Variants in GRIN2B observed in about 807,000 individuals in gnomAD.
The protein encoded by GRIN2B is glutamate ionotropic receptor NMDA type subunit 2B.
GRIN2B carries 5 observed loss-of-function variants against 114.5 expected under a neutral mutation model. The observed-to-expected ratio is 0.04, with a 90% CI of 0.02 to 0.09. GRIN2B has a LOEUF of 0.09. GRIN2B is among the 10% of genes least tolerant of loss of function. GRIN2B has a pLI of 1.00. For synonymous variants in GRIN2B, 787 were observed against 745.1 expected, an observed-to-expected ratio of 1.06 and a Z score of -0.92; for missense variants, 1,108 against 1,943.5, an observed-to-expected ratio of 0.57 and a Z score of 8.08.
intron 2 of GRIN2B, among the ~76,000 whole-genome samples, chr12:13,977,990 T>C (rs1863057333): frequency 6.6e-6 from 1 of 152,138 alleles, no homozygotes; most frequent in African/African-American, 2.4e-5. Flanking sequence ...CTTCATCCAT[T>C]GGCATTCAAG....
chr12:13,743,763 CAAG>C (rs1464332902), intron 4 of GRIN2B, among the ~76,000 whole-genome samples: 5 of 152,016 alleles, frequency 3.3e-5, no homozygotes, highest in African/African-American at 7.2e-5. Flanking sequence ...AGACGATATA[CAAG>C]AAGATTATCT....
chr12:13,882,833 A>T lies in GRIN2B; in HGVS notation c.-18-16607T>A, dbSNP rs1739798371. Among the ~76,000 whole-genome samples the T allele has an allele frequency of 3.9e-5, 6 of 152,208 alleles. No individual in the cohort carries two copies. In the South Asian group the frequency reaches 1.2e-3, roughly 31 times the overall value. Reference sequence around the variant, plus strand: ...TTTACAGTTCTATAGGTTTTTGACAAATATATACAGTATATAACCACCACC... The same window carrying T: ...TTTACAGTTCTATAGGTTTTTGACATATATATACAGTATATAACCACCACC... On this transcript the variant is annotated intron_variant, in intron 2 of 13. Coordinates refer to ENST00000609686, the MANE Select transcript of GRIN2B (RefSeq NM_000834.5).
chr12:13,818,046 T>C (rs1248672888), intron 3 of GRIN2B, among the ~76,000 whole-genome samples: 1 of 152,228 alleles, frequency 6.6e-6, no homozygotes, highest in African/African-American at 2.4e-5. Flanking sequence ...CAAGAAATCA[T>C]AAATGGAGTA....
chr12:13,736,786 A>G (rs7138298), intron 4 of GRIN2B, among the ~76,000 whole-genome samples: 123,498 of 151,906 alleles, frequency 0.81, 50,527 homozygotes, highest in African/African-American at 0.89. Context: ...TTGGGAGGCC[A>G]AGGCGGGTGG....
At chr12:13,666,749 G>T (rs915300633) in intron 5 of GRIN2B, among the ~76,000 whole-genome samples, 1 of 152,066 alleles carries the variant, frequency 6.6e-6, no homozygotes, top group Non-Finnish European at 1.5e-5. Context: ...CCTGTGCATG[G>T]CTGGTACAAA....
At chr12:13,578,379 C>G (rs1054563726) in intron 10 of GRIN2B, among the ~76,000 whole-genome samples, 13 of 152,184 alleles carry the variant, frequency 8.5e-5, no homozygotes, top group African/African-American at 3.1e-4. Flanking sequence ...AAACCTCGCT[C>G]TGAGAGAATC....
At chr12:13,740,918 T>A (rs190039698) in intron 4 of GRIN2B, among the ~76,000 whole-genome samples, 7 of 152,294 alleles carry the variant, frequency 4.6e-5, no homozygotes, top group Non-Finnish European at 8.8e-5. Flanking sequence ...ATGAGCAGGT[T>A]CAGTGTGGGA....
chr12:13,855,048 T>C (rs1292374890), intron 3 of GRIN2B, among the ~76,000 whole-genome samples: 69 of 35,104 alleles, frequency 2.0e-3, no homozygotes, highest in Non-Finnish European at 3.1e-3. Context: ...CCATCTCTAC[T>C]GAAAAAAAAA....
chr12:13,594,298 G>T (rs1949045130), intron 10 of GRIN2B, among the ~76,000 whole-genome samples: 1 of 152,120 alleles, frequency 6.6e-6, no homozygotes, highest in Non-Finnish European at 1.5e-5. Flanking sequence ...TGATAGACTG[G>T]ATTAAGAACA....
intron 4 of GRIN2B, among the ~76,000 whole-genome samples, chr12:13,694,687 AT>A (rs1950245026): frequency 7.6e-6 from 1 of 132,222 alleles, no homozygotes; most frequent in Non-Finnish European, 1.6e-5. Flanking sequence ...ATATATATAT[AT>A]ATATATATAT....
intron 3 of GRIN2B, among the ~76,000 whole-genome samples, chr12:13,798,830 C>T (rs777514327): frequency 1.3e-5 from 2 of 152,228 alleles, no homozygotes; most frequent in African/African-American, 4.8e-5. Flanking sequence ...GTCCTCATGA[C>T]GATCTCTGTT....
intron 3 of GRIN2B, among the ~76,000 whole-genome samples, chr12:13,859,173 T>C (rs1865712418): frequency 6.6e-6 from 1 of 152,156 alleles, no homozygotes; most frequent in Admixed American, 6.5e-5. Flanking sequence ...CCAACTAAGG[T>C]CACATGGCTG....
At chr12:13,637,156 A>G (rs1949673459) in intron 5 of GRIN2B, among the ~76,000 whole-genome samples, 1 of 152,186 alleles carries the variant, frequency 6.6e-6, no homozygotes, top group South Asian at 2.1e-4. Flanking sequence ...AAGTTGAAAG[A>G]CTGGATTTTA....
At chr12:13,650,387 G>A (rs1949802178) in intron 5 of GRIN2B, among the ~76,000 whole-genome samples, 1 of 151,878 alleles carries the variant, frequency 6.6e-6, no homozygotes, top group African/African-American at 2.4e-5. Context: ...CAGGAAGTCT[G>A]CCCTGTCCCC....
At chr12:13,665,162 TG>T (rs1207707927) in intron 5 of GRIN2B, among the ~76,000 whole-genome samples, 16 of 23,462 alleles carry the variant, frequency 6.8e-4, no homozygotes, top group Admixed American at 2.4e-3. Context: ...TGTGTGTGTG[TG>T]TGTTTGTGTG....
At chr12:13,824,203 G>A (rs1864989671) in intron 3 of GRIN2B, among the ~76,000 whole-genome samples, 1 of 152,142 alleles carries the variant, frequency 6.6e-6, no homozygotes, top group African/African-American at 2.4e-5. Flanking sequence ...AATTGGTATT[G>A]TTCTTTCTTT....
chr12:13,572,694 G>C (rs1405991981), intron 10 of GRIN2B, among the ~76,000 whole-genome samples: 2 of 152,140 alleles, frequency 1.3e-5, no homozygotes, highest in Non-Finnish European at 2.9e-5. Context: ...CAATGCGTAA[G>C]TCTTTATGTT....
chr12:13,681,454 A>G (rs1034384737), intron 4 of GRIN2B, among the ~76,000 whole-genome samples: 26 of 152,286 alleles, frequency 1.7e-4, no homozygotes, highest in Admixed American at 1.2e-3. Flanking sequence ...GTAAAGTGAT[A>G]AAAGAACACA....
intron 5 of GRIN2B, among the ~76,000 whole-genome samples, chr12:13,635,284 G>C (rs1004333070): frequency 4.6e-5 from 7 of 152,174 alleles, no homozygotes; most frequent in African/African-American, 4.8e-5. Context: ...AAGTCAGCTG[G>C]AAATGGAGAG....
Sources: gnomAD v4.1 joint callset for allele counts (sites outside exome capture counted in the v4.1 genomes callset) on GRCh38, gnomAD v4.1.1 for gene constraint, MANE v1.5 for transcripts, NCBI Gene and HGNC (gene_info 2026-07-23, HGNC 2026-07-21) for gene names.